Variants in SLC60A2 observed in about 807,000 individuals in gnomAD.
SLC60A2 encodes solute carrier family 60 member 2.
At chr6:111,270,086 C>T in the SLC60A2 span, 1 of 152,172 alleles carries the variant, frequency 6.6e-6, no homozygotes, top group African/African-American at 2.4e-5. Context: ...CTGGGCACCA[C>T]TCAGCTTCGA....
the SLC60A2 span, among the ~76,000 whole-genome samples, chr6:111,262,977 G>C: frequency 1.3e-5 from 2 of 151,416 alleles, no homozygotes. Context: ...TCCCTCTATT[G>C]CCCAGGCTGG....
chr6:111,272,509 ATT>A, the SLC60A2 span, among the ~76,000 whole-genome samples: 941 of 114,670 alleles, frequency 8.2e-3, 1 homozygote, highest in East Asian at 0.027. Flanking sequence ...TTCTAACTGT[ATT>A]TTTTTTTTTT....
At chr6:111,266,457 G>T in the SLC60A2 span, 1 of 1,614,192 alleles carries the variant, frequency 6.2e-7, no homozygotes, top group Non-Finnish European at 8.5e-7. Context: ...AACCATGATT[G>T]TGTTGAGCAA....
chr6:111,263,975 G>C, the SLC60A2 span: 3 of 1,163,526 alleles, frequency 2.6e-6, no homozygotes, highest in Non-Finnish European at 3.9e-6. Flanking sequence ...GTCATCTCTG[G>C]GAGTAGGGAC....
the SLC60A2 span, among the ~76,000 whole-genome samples, chr6:111,275,427 TA>T: frequency 7.3e-5 from 11 of 150,634 alleles, no homozygotes; most frequent in African/African-American, 2.7e-4. Flanking sequence ...TTTTTTTTTT[TA>T]ATATGGAGTC....
chr6:111,266,821 G>C, the SLC60A2 span: 1 of 1,613,894 alleles, frequency 6.2e-7, no homozygotes, highest in East Asian at 2.2e-5. Context: ...AAAGAAGACA[G>C]AAAGAGTGAG....
At chr6:111,270,932 G>A in the SLC60A2 span, 1 of 152,136 alleles carries the variant, frequency 6.6e-6, no homozygotes, top group African/African-American at 2.4e-5. Context: ...CTAGTATGGG[G>A]ATGGAATATG....
At chr6:111,274,415 G>A in the SLC60A2 span, among the ~76,000 whole-genome samples, 1 of 152,096 alleles carries the variant, frequency 6.6e-6, no homozygotes, top group African/African-American at 2.4e-5. Flanking sequence ...TTTTTTGCAG[G>A]CAGCATACAG....
At chr6:111,266,335 C>CAA in the SLC60A2 span, 1 of 1,613,958 alleles carries the variant, frequency 6.2e-7, no homozygotes, top group Non-Finnish European at 8.5e-7. Flanking sequence ...TTTGCAACCA[C>CAA]CCATGCTGGC....
At chr6:111,262,538 GT>G in the SLC60A2 span, 1 of 946,690 alleles carries the variant, frequency 1.1e-6, no homozygotes, top group Non-Finnish European at 1.6e-6. Context: ...AATGGGTAGT[GT>G]TTAGGTGTCC....
At chr6:111,270,880 G>A in the SLC60A2 span, 2 of 151,976 alleles carry the variant, frequency 1.3e-5, no homozygotes, top group Non-Finnish European at 2.9e-5. Flanking sequence ...ATGAGCTGGG[G>A]AAAAAAGCTT....
chr6:111,260,900 C>G, the SLC60A2 span, among the ~76,000 whole-genome samples: 23 of 152,252 alleles, frequency 1.5e-4, no homozygotes, highest in South Asian at 4.8e-3. Context: ...GCACCTGGGC[C>G]CATAGTGGTC....
chr6:111,271,692 C>G, the SLC60A2 span, among the ~76,000 whole-genome samples: 3 of 136,232 alleles, frequency 2.2e-5, no homozygotes, highest in African/African-American at 8.1e-5. Flanking sequence ...AATCACAGCA[C>G]TTTGGGAGGC....
the SLC60A2 span, among the ~76,000 whole-genome samples, chr6:111,276,007 A>G: frequency 2.6e-5 from 4 of 152,196 alleles, no homozygotes; most frequent in African/African-American, 9.7e-5. Flanking sequence ...AGAGTACTTC[A>G]TATAAGTGGG....
chr6:111,275,555 G>T, the SLC60A2 span, among the ~76,000 whole-genome samples: 1 of 151,832 alleles, frequency 6.6e-6, no homozygotes, highest in Non-Finnish European at 1.5e-5. Flanking sequence ...GATTACAGGT[G>T]TGCACCACCA....
At chr6:111,267,912 T>G in the SLC60A2 span, 1 of 152,252 alleles carries the variant, frequency 6.6e-6, no homozygotes, top group African/African-American at 2.4e-5. Flanking sequence ...ATTTCTAATT[T>G]CAATGAAGAG....
chr6:111,270,345 C>T, the SLC60A2 span: 2 of 152,070 alleles, frequency 1.3e-5, no homozygotes, highest in Non-Finnish European at 2.9e-5. Context: ...GCATGCCTGC[C>T]ACACTCGGGT....
the SLC60A2 span, among the ~76,000 whole-genome samples, chr6:111,273,590 T>G: frequency 6.6e-6 from 1 of 151,984 alleles, no homozygotes; most frequent in African/African-American, 2.4e-5. Context: ...TGAAATGTCC[T>G]GTAAATGTCT....
chr6:111,270,842 C>CAA, the SLC60A2 span: 4 of 120,234 alleles, frequency 3.3e-5, no homozygotes, highest in Non-Finnish European at 5.3e-5. Context: ...GAGACTGTCT[C>CAA]AAAAAAAAAA....
Sources: gnomAD v4.1 joint callset for allele counts (sites outside exome capture counted in the v4.1 genomes callset) on GRCh38, gnomAD v4.1.1 for gene constraint, MANE v1.5 for transcripts, NCBI Gene and HGNC (gene_info 2026-07-23, HGNC 2026-07-21) for gene names.